CCDC7: variants seen among roughly 807,000 people sequenced by gnomAD.
The protein encoded by CCDC7 is coiled-coil domain containing 7.
Under a neutral mutation model 196.9 loss-of-function variants are expected in CCDC7, and 183 were observed. The ratio of observed to expected loss-of-function variants is 0.93; its 90% confidence interval spans 0.82 to 1.05. The LOEUF is 1.05. Among genes scored for constraint, CCDC7 ranks in the 50% least tolerant of loss-of-function variants. CCDC7 has a pLI of 0.00. For synonymous variants in CCDC7, 525 were observed against 484.6 expected (o/e 1.08, Z -1.10); for missense variants, 1,540 against 1,482.2 (o/e 1.04, Z -0.64).
intron 25 of CCDC7, among the ~76,000 whole-genome samples, chr10:32,723,503 C>T (rs1408000874): frequency 1.3e-5 from 2 of 152,090 alleles, no homozygotes; most frequent in Non-Finnish European, 1.5e-5. Flanking sequence ...GAAGAATAGT[C>T]CAACTATGTT....
rs371529800 is a variant in CCDC7 at position 32,451,959 on chromosome 10, A to G, written c.279+38A>G. The G allele has an allele frequency of 8.2e-5, 130 of 1,577,064 alleles. 1 individual carries two copies. In the African/African-American group the frequency reaches 1.1e-3, roughly 13 times the overall value. Reference sequence around the variant, plus strand: ...TTAGTTTCTGTGTTGCAGGGCCCCCATGATCACCCCAGGTTTAGTGATGTG... The same window carrying G: ...TTAGTTTCTGTGTTGCAGGGCCCCCGTGATCACCCCAGGTTTAGTGATGTG... On this transcript the variant is annotated intron_variant, in intron 1 of 41. Transcript: ENST00000639629.
intron 9 of CCDC7, among the ~76,000 whole-genome samples, chr10:32,497,045 A>G (rs1039461070): frequency 6.6e-6 from 1 of 152,170 alleles, no homozygotes; most frequent in African/African-American, 2.4e-5. Context: ...TTGGCAGGCT[A>G]TTAATTACTG....
At chr10:32,519,050 C>A (rs2047481304) in intron 11 of CCDC7, among the ~76,000 whole-genome samples, 1 of 152,018 alleles carries the variant, frequency 6.6e-6, no homozygotes, top group Admixed American at 6.6e-5. Context: ...TACTAAATTT[C>A]AATAATGTTG....
intron 32 of CCDC7, among the ~76,000 whole-genome samples, chr10:32,830,612 G>A (rs1407390703): frequency 1.3e-5 from 2 of 152,096 alleles, no homozygotes; most frequent in African/African-American, 4.8e-5. Context: ...TTTGATTTAC[G>A]ATTGAACGTA....
intron 21 of CCDC7, chr10:32,675,735 G>A (rs2074836574): frequency 6.6e-6 from 1 of 152,316 alleles, no homozygotes; most frequent in South Asian, 2.1e-4. Context: ...AAATAAAAGA[G>A]GATACAAAGA....
chr10:32,712,187 G>T (rs967549243), intron 25 of CCDC7, among the ~76,000 whole-genome samples: 7 of 152,198 alleles, frequency 4.6e-5, no homozygotes, highest in Admixed American at 3.3e-4. Flanking sequence ...CCCATTCAAA[G>T]GTAGTGGTCT....
chr10:32,787,988 C>G (rs1292886195), intron 29 of CCDC7, among the ~76,000 whole-genome samples: 1 of 152,174 alleles, frequency 6.6e-6, no homozygotes, highest in Non-Finnish European at 1.5e-5. Context: ...CACTTCCAGG[C>G]AAGCTCCAGT....
At chr10:32,660,346 A>G (rs952166306) in intron 20 of CCDC7, among the ~76,000 whole-genome samples, 20 of 139,206 alleles carry the variant, frequency 1.4e-4, no homozygotes, top group African/African-American at 4.1e-4. Context: ...TCATTGTTCA[A>G]TTCCCACCTA....
exon 15 of CCDC7, chr10:32,567,754 A>T (rs202010751): frequency 3.1e-6 from 5 of 1,613,702 alleles, no homozygotes; most frequent in Non-Finnish European, 4.2e-6. Context: ...TGAGACAACA[A>T]TGCAAGTGGG....
chr10:32,626,031 G>C (rs980095648), intron 18 of CCDC7, among the ~76,000 whole-genome samples: 15 of 152,072 alleles, frequency 9.9e-5, no homozygotes, highest in Non-Finnish European at 1.9e-4. Flanking sequence ...CAGTGAACAA[G>C]GGAGTGCAGA....
At chr10:32,739,609 A>G (rs933852562) in intron 28 of CCDC7, among the ~76,000 whole-genome samples, 1 of 150,758 alleles carries the variant, frequency 6.6e-6, no homozygotes, top group African/African-American at 2.4e-5. Flanking sequence ...AAATTCTGCC[A>G]TATCTGAGTT....
chr10:32,480,092 T>A (rs549984373), intron 8 of CCDC7, among the ~76,000 whole-genome samples: 1 of 152,242 alleles, frequency 6.6e-6, no homozygotes, highest in Admixed American at 6.5e-5. Context: ...TGCTGTTTTT[T>A]CTTAGTCCAG....
intron 9 of CCDC7, among the ~76,000 whole-genome samples, chr10:32,507,227 G>T (rs1589317917): frequency 6.6e-6 from 1 of 152,030 alleles, no homozygotes; most frequent in South Asian, 2.1e-4. Context: ...TCTTGAGCTT[G>T]TGATCCGCCC....
intron 41 of CCDC7, among the ~76,000 whole-genome samples, chr10:32,855,908 G>A (rs1459236890): frequency 1.3e-5 from 2 of 152,172 alleles, no homozygotes; most frequent in East Asian, 3.9e-4. Context: ...AGGATAGAGA[G>A]CTGAGAAATA....
chr10:32,809,599 T>A (rs968071162), intron 30 of CCDC7, among the ~76,000 whole-genome samples: 7 of 152,144 alleles, frequency 4.6e-5, no homozygotes, highest in Non-Finnish European at 8.8e-5. Flanking sequence ...AAAGAAGACA[T>A]TTATGCAGCC....
At chr10:32,560,130 T>A (rs1350546122) in intron 13 of CCDC7, among the ~76,000 whole-genome samples, 1 of 152,030 alleles carries the variant, frequency 6.6e-6, no homozygotes, top group Non-Finnish European at 1.5e-5. Context: ...GGAAAAAGAA[T>A]AAAAAGAAAC....
intron 13 of CCDC7, among the ~76,000 whole-genome samples, chr10:32,564,249 C>T (rs959553126): frequency 1.3e-5 from 2 of 152,124 alleles, no homozygotes; most frequent in African/African-American, 4.8e-5. Context: ...GTGGCGATTC[C>T]TCAGGGATCT....
At chr10:32,642,194 T>G (rs542224909) in intron 20 of CCDC7, among the ~76,000 whole-genome samples, 10 of 152,330 alleles carry the variant, frequency 6.6e-5, no homozygotes, top group Non-Finnish European at 1.3e-4. Flanking sequence ...CAGGGACATT[T>G]AAGTCTGCAG....
chr10:32,625,645 C>T (rs564495365), intron 18 of CCDC7, among the ~76,000 whole-genome samples: 19 of 152,128 alleles, frequency 1.2e-4, no homozygotes, highest in African/African-American at 4.6e-4. Flanking sequence ...CTATTATATT[C>T]ACCATGCTGT....
Sources: allele counts gnomAD v4.1 joint callset (sites outside exome capture counted in the v4.1 genomes callset), GRCh38; gene constraint gnomAD v4.1.1; transcripts MANE v1.5; gene names NCBI Gene and HGNC (gene_info 2026-07-23, HGNC 2026-07-21).